The following GINS2 variants were observed in gnomAD, a reference collection of about 807,000 sequenced individuals.
The protein encoded by GINS2 is GINS complex subunit 2, also known as DNA replication complex GINS protein PSF2.
A neutral mutation model predicts 21.2 loss-of-function variants in GINS2; 23 were observed. The ratio of observed to expected loss-of-function variants is 1.08; its 90% confidence interval spans 0.78 to 1.53. The LOEUF is 1.53. GINS2 is among the 40% of genes most tolerant of loss of function. GINS2 has a pLI of 0.00. For missense variants in GINS2, 323 were observed against 233.9 expected (o/e 1.38, Z -2.49); for synonymous variants, 118 against 85.6 (o/e 1.38, Z -2.09).
intron 2 of GINS2, among the ~76,000 whole-genome samples, chr16:85,684,133 C>T (rs748606089): frequency 1.8e-4 from 27 of 152,242 alleles, no homozygotes; most frequent in Non-Finnish European, 2.9e-4. Flanking sequence ...GTGGAAGCCC[C>T]GGAGTTCAAA....
At chr16:85,678,482 A>G in intron 4 of GINS2, 58 bp downstream of exon 4, 4 of 1,593,466 alleles carry the variant, frequency 2.5e-6, no homozygotes, top group Non-Finnish European at 1.7e-6. Flanking sequence ...AGCAGACGGG[A>G]GCCATGTGAA....
chr16:85,682,857 A>G (rs11646052), intron 2 of GINS2, among the ~76,000 whole-genome samples: 56,772 of 151,886 alleles, frequency 0.37, 10,757 homozygotes, highest in East Asian at 0.51. Flanking sequence ...ACGGCCAACT[A>G]CCCATCCCCA....
At chr16:85,685,081 G>T (rs535872735) in intron 2 of GINS2, among the ~76,000 whole-genome samples, 1 of 152,012 alleles carries the variant, frequency 6.6e-6, no homozygotes, top group Non-Finnish European at 1.5e-5. Flanking sequence ...GAGCCACCGC[G>T]CCTGGCCCAG....
chr16:85,686,028 T>A (rs2053774313), intron 2 of GINS2, among the ~76,000 whole-genome samples: 1 of 151,648 alleles, frequency 6.6e-6, no homozygotes. Flanking sequence ...TTCCCTATAA[T>A]AAGCTACTCA....
In GINS2 at chr16:85,678,548, G is replaced by A; in HGVS notation, c.424C>T (p.His142Tyr). The A allele has an allele frequency of 6.2e-7, 1 of 1,613,238 alleles. No homozygotes were observed. The highest frequency in any genetic ancestry group is 8.5e-7 in the Non-Finnish European group (1 of 1,179,780). Residue 142 changes from histidine (H) to tyrosine (Y), a missense_variant, in exon 4 of 5, where the codon CAT (histidine) becomes TAT (tyrosine). Coordinates refer to ENST00000253462, the MANE Select transcript of GINS2 (RefSeq NM_016095.3). ...ADSFVRQQEA[H>Y]AKLDNLTLME... ...GGCAAGGCGGCACCTACCTTGGCAT[G>A]TGCCTCCTGCTGTCTCACAAAGCTG...
intron 1 of GINS2, chr16:85,688,013 A>C: frequency 6.5e-6 from 1 of 154,046 alleles, no homozygotes; most frequent in Non-Finnish European, 1.4e-5. Context: ...GGGGCTCACA[A>C]TCCAGCTACT....
chr16:85,676,644 C>T lies in GINS2; in HGVS notation c.*1568G>A, dbSNP rs983687629. The T allele has an allele frequency of 3.9e-5, 6 of 152,286 alleles. No homozygotes were observed. The highest frequency in any genetic ancestry group is 1.3e-4 in the Admixed American group (2 of 15,282). 9.4% of individuals were successfully genotyped at this position (152,286 alleles called of 1,614,324 possible). On this transcript the variant is annotated 3_prime_UTR_variant, in exon 5 of 5. Transcript: ENST00000253462. ...GCTCAGCCTGTCACACATGCGCATT[C>T]TCAGAGCTCCCCAGACAGCACCCCA... is the stretch of plus-strand genomic sequence containing the variant.
chr16:85,688,318 C>G (rs369084179), intron 1 of GINS2, among the ~76,000 whole-genome samples: 6 of 152,178 alleles, frequency 3.9e-5, no homozygotes, highest in African/African-American at 1.4e-4. Context: ...GAGGCCGAGG[C>G]GAGTGGCTCA....
chr16:85,687,349 G>A (rs3815797), intron 2 of GINS2, 111 bp downstream of exon 2: 139,919 of 581,878 alleles, frequency 0.24, 18,432 homozygotes, highest in Middle Eastern at 0.3. Context: ...CGGAACAGAG[G>A]GAGCACGGAC....
intron 4 of GINS2, 27 bp downstream of exon 4, chr16:85,678,513 C>T (rs1252238248): frequency 6.2e-7 from 1 of 1,608,858 alleles, no homozygotes; most frequent in Admixed American, 1.7e-5. Context: ...ATCAAGGCCA[C>T]CAGCACCCAG....
rs201248651 is a variant in GINS2 at position 85,687,428 on chromosome 16, C to G, written c.205+32G>C. 7.2e-4 allele frequency: 958 copies of G among 1,328,660 alleles called. 1 individual carries two copies. The highest frequency in any genetic ancestry group is 9.3e-4 in the Non-Finnish European group (909 of 976,520). 82.3% of individuals were successfully genotyped at this position (1,328,660 alleles called of 1,614,324 possible). ...GCGTCACCCCAAGCCCAGCCCCACC[C>G]ACGCATCAACCAGTCTCCACCACAT... On this transcript the variant is annotated intron_variant, in intron 2 of 4. Coordinates refer to ENST00000253462, the MANE Select transcript of GINS2 (RefSeq NM_016095.3).
rs1437674376 is a variant in GINS2 at position 85,676,947 on chromosome 16, C to G, written c.*1265G>C. On this transcript the variant is annotated 3_prime_UTR_variant, in exon 5 of 5. Transcript: ENST00000253462. ...TGGTGCAATCTTGGCTCACTACAAC[C>G]TCCGCCTCTCGGGTTCAAGCGATTC... The G allele has an allele frequency of 2.0e-5, 3 of 152,310 alleles. No individual in the cohort carries two copies. The highest frequency in any genetic ancestry group is 2.9e-5 in the Non-Finnish European group (2 of 68,108). 9.4% of individuals were successfully genotyped at this position (152,310 alleles called of 1,614,324 possible). A position where few individuals can be genotyped will look rare whatever the true frequency, so the allele number is the denominator to read the frequency against.
At chr16:85,685,637 GC>G (rs1261031954) in intron 2 of GINS2, among the ~76,000 whole-genome samples, 2 of 124,966 alleles carry the variant, frequency 1.6e-5, no homozygotes, top group Non-Finnish European at 3.2e-5. Flanking sequence ...CATCACTATA[GC>G]CCAGCCTGGG....
intron 1 of GINS2, 167 bp from the exon 2 acceptor site, chr16:85,687,741 G>A: frequency 2.0e-6 from 1 of 490,460 alleles, no homozygotes; most frequent in East Asian, 3.4e-5. Flanking sequence ...CCTCCTGAGC[G>A]GCTCCGAGAC....
chr16:85,685,393 C>T (rs1388590493), intron 2 of GINS2, among the ~76,000 whole-genome samples: 3 of 151,902 alleles, frequency 2.0e-5, no homozygotes, highest in Non-Finnish European at 4.4e-5. Context: ...AAAAGCCTTC[C>T]GGCCAGGGGC....
chr16:85,687,470 C>A lies in GINS2; in HGVS notation c.195G>T (p.Trp65Cys), dbSNP rs756667257. Residue 65 changes from tryptophan to cysteine, a missense_variant, in exon 2 of 5, where the codon TGG (tryptophan) becomes TGT (cysteine). By Grantham distance (215) the Trp-to-Cys change is radical. Coordinates refer to ENST00000253462, the MANE Select transcript of GINS2 (RefSeq NM_016095.3). ...CCACCACATCCTTACCTACATCCAT[C>A]CACTCTGGAGGGAGCAGGCGACATT... ...RQKCRLLPPE[W>C]MDVEKLEKMR... 2.8e-5 allele frequency: 43 copies of A among 1,548,274 alleles called. No homozygotes were observed. Among genetic ancestry groups the A allele is most frequent in the Non-Finnish European group, 3.5e-5 (40 of 1,149,386 alleles).
In GINS2 at chr16:85,678,229, GAGT is replaced by G; in HGVS notation, c.538_540del (p.Thr180del). The G allele has an allele frequency of 3.1e-6, 5 of 1,613,566 alleles. No homozygotes were observed. Among genetic ancestry groups the G allele is most frequent in the Non-Finnish European group, 4.2e-6 (5 of 1,179,840 alleles). On this transcript the variant is annotated inframe_deletion, in exon 5 of 5. Transcript: ENST00000253462. The stretch of plus-strand genomic sequence containing the variant: ...GCCTTTCTCTAGAAGTCCTGAGACT[GAGT>G]ACTCTCCAGAGGCTGGAGGTTCGTG...
intron 3 of GINS2, among the ~76,000 whole-genome samples, chr16:85,680,595 G>C (rs1598758959): frequency 6.6e-6 from 1 of 152,098 alleles, no homozygotes; most frequent in African/African-American, 2.4e-5. Flanking sequence ...TGCCCATTTA[G>C]AATGGGTACA....
chr16:85,682,998 C>G (rs921464442), intron 2 of GINS2, among the ~76,000 whole-genome samples: 2 of 152,050 alleles, frequency 1.3e-5, no homozygotes, highest in East Asian at 1.9e-4. Flanking sequence ...GACCCACACA[C>G]CACCCCATCC....
Sources: allele counts gnomAD v4.1 joint callset (sites outside exome capture counted in the v4.1 genomes callset), GRCh38; gene constraint gnomAD v4.1.1; transcripts MANE v1.5; gene names NCBI Gene and HGNC (gene_info 2026-07-23, HGNC 2026-07-21).